Variants in ALPL observed in about 807,000 individuals in gnomAD.
ALPL encodes the protein alkaline phosphatase, tissue-nonspecific isozyme.
ALPL carries 42 observed loss-of-function variants against 51.3 expected under a neutral mutation model. The observed-to-expected ratio is 0.82, with a 90% confidence interval of 0.64 to 1.06. The LOEUF is 1.06. Ranked by LOEUF, ALPL falls within the 50% of genes least tolerant of loss-of-function variation. The probability of loss-of-function intolerance (pLI) is 0.00; values close to 1 mark genes in which losing one functional copy is unlikely to be tolerated. For missense variants in ALPL, 589 were observed against 709.4 expected (o/e 0.83, Z 1.93); for synonymous variants, 279 against 296.4 (o/e 0.94, Z 0.60).
chr1:21,546,999 AG>A (rs1039907399), intron 1 of ALPL, among the ~76,000 whole-genome samples: 1 of 152,222 alleles, frequency 6.6e-6, no homozygotes, highest in Non-Finnish European at 1.5e-5. Flanking sequence ...TTTGCCCCAC[AG>A]GGCACCTGGC....
At chr1:21,519,346 G>T (rs1376055207) in intron 1 of ALPL, among the ~76,000 whole-genome samples, 1 of 152,214 alleles carries the variant, frequency 6.6e-6, no homozygotes, top group Non-Finnish European at 1.5e-5. Context: ...TGCGGGGCCC[G>T]CGGCCTCTGC....
chr1:21,563,461 G>A (rs1192564403), intron 5 of ALPL, among the ~76,000 whole-genome samples, 177 bp downstream of exon 5: 1 of 152,200 alleles, frequency 6.6e-6, no homozygotes, highest in African/African-American at 2.4e-5. Context: ...GAAGCTGAGG[G>A]TTTGGGGTTC....
chr1:21,543,958 C>T (rs9660898), intron 1 of ALPL, among the ~76,000 whole-genome samples: 14,089 of 152,146 alleles, frequency 0.093, 937 homozygotes, highest in African/African-American at 0.19. Flanking sequence ...TGGGGAAGGC[C>T]CCCGGCTGAG....
intron 1 of ALPL, among the ~76,000 whole-genome samples, chr1:21,545,319 C>G (rs1386472545): frequency 6.6e-6 from 1 of 151,838 alleles, no homozygotes; most frequent in Non-Finnish European, 1.5e-5. Flanking sequence ...AAGACAGAGT[C>G]TCACTCTGTC....
intron 1 of ALPL, among the ~76,000 whole-genome samples, chr1:21,548,228 C>T (rs1644277595): frequency 6.6e-6 from 1 of 152,220 alleles, no homozygotes. Context: ...CCCTCCGCTT[C>T]CAGGGCTGCC....
rs147850439 is a variant in ALPL at position 21,576,777 on chromosome 1, G to A, written c.1309+136G>A. 1.1e-5 allele frequency: 13 copies of A among 1,213,320 alleles called. No individual in the cohort carries two copies. The African/African-American group carries it at 1.7e-4, about 16-fold the overall frequency. The allele number at this position is 1,213,320 out of a possible 1,614,324, so 75.2% of individuals were successfully genotyped here. A position where few individuals can be genotyped will look rare whatever the true frequency, so the allele number is the denominator to read the frequency against. ...GCTTGAGTCCCAGTTTGATTGTTGA[G>A]TCCCAGGTTGTTTGATTCAAACAAC... On this transcript the variant is annotated intron_variant, in intron 11 of 11. Transcript: ENST00000374840.
At chr1:21,567,309 C>T (rs1162810166) in intron 6 of ALPL, among the ~76,000 whole-genome samples, 1 of 152,230 alleles carries the variant, frequency 6.6e-6, no homozygotes, top group Non-Finnish European at 1.5e-5. Flanking sequence ...ATGCTCTTGG[C>T]CCTACTTTAA....
chr1:21,537,487 A>G lies in ALPL; in HGVS notation c.-104-16491A>G, dbSNP rs945740726. Among the ~76,000 whole-genome samples, 14 of 152,300 alleles carry G rather than the reference A, an allele frequency of 9.2e-5. No individual in the cohort carries two copies. In the East Asian group the frequency reaches 1.2e-3, roughly 13 times the overall value. ...ACGGGAAAGTACACAGGGAGCTGAG[A>G]GAGCAGCATGACATGAGGACCAGCC... On this transcript the variant is annotated intron_variant, in intron 1 of 11. Transcript: ENST00000374840.
chr1:21,520,703 C>T (rs570813644), intron 1 of ALPL, among the ~76,000 whole-genome samples: 11 of 152,076 alleles, frequency 7.2e-5, no homozygotes, highest in Non-Finnish European at 1.3e-4. Context: ...CCTTGTGATC[C>T]GCCCACCTTA....
At chr1:21,517,779 G>A (rs1052063256) in intron 1 of ALPL, among the ~76,000 whole-genome samples, 1 of 152,010 alleles carries the variant, frequency 6.6e-6, no homozygotes, top group Non-Finnish European at 1.5e-5. Flanking sequence ...AGGATTTTTC[G>A]ATTTGTGGAT....
chr1:21,523,975 A>G (rs1163390341), intron 1 of ALPL, among the ~76,000 whole-genome samples: 1 of 149,724 alleles, frequency 6.7e-6, no homozygotes, highest in Admixed American at 6.7e-5. Flanking sequence ...TAACCTCCCC[A>G]AAGGGTAGAT....
chr1:21,523,413 C>T (rs1291973398), intron 1 of ALPL, among the ~76,000 whole-genome samples: 2 of 152,200 alleles, frequency 1.3e-5, no homozygotes, highest in Non-Finnish European at 2.9e-5. Context: ...ATCTTGCTGT[C>T]CTGCCTCCTT....
At chr1:21,553,615 A>C (rs1409444553) in intron 1 of ALPL, among the ~76,000 whole-genome samples, 2 of 152,250 alleles carry the variant, frequency 1.3e-5, no homozygotes, top group East Asian at 3.8e-4. Flanking sequence ...AATCTGTTGT[A>C]ACAAGCCCTT....
chr1:21,556,923 A>G (rs1338530071), intron 2 of ALPL, among the ~76,000 whole-genome samples: 2 of 152,162 alleles, frequency 1.3e-5, no homozygotes, highest in African/African-American at 2.4e-5. Context: ...TGGGCAACAG[A>G]GCAAGACTCC....
intron 2 of ALPL, among the ~76,000 whole-genome samples, chr1:21,556,508 G>A (rs1305139587): frequency 1.3e-5 from 2 of 152,132 alleles, no homozygotes; most frequent in Admixed American, 6.6e-5. Flanking sequence ...TGGGCATAGT[G>A]CTGCATGCTT....
At chr1:21,556,986 C>T (rs1040816080) in intron 2 of ALPL, among the ~76,000 whole-genome samples, 2 of 152,180 alleles carry the variant, frequency 1.3e-5, no homozygotes, top group Non-Finnish European at 2.9e-5. Flanking sequence ...CCTGGCTTGC[C>T]GTCGCAGGCG....
At chr1:21,521,208 C>T (rs183938295) in intron 1 of ALPL, among the ~76,000 whole-genome samples, 7 of 151,444 alleles carry the variant, frequency 4.6e-5, no homozygotes, top group Admixed American at 1.3e-4. Context: ...TTTTTTGAGA[C>T]GGAGTCTGCT....
At chr1:21,548,587 G>A (rs1158358611) in intron 1 of ALPL, among the ~76,000 whole-genome samples, 1 of 152,162 alleles carries the variant, frequency 6.6e-6, no homozygotes, top group Admixed American at 6.5e-5. Context: ...GGGGCTGGAT[G>A]AGCCTTTCAG....
intron 1 of ALPL, among the ~76,000 whole-genome samples, chr1:21,526,826 A>T (rs1643949556): frequency 6.6e-6 from 1 of 152,002 alleles, no homozygotes. Context: ...TATCACTTTA[A>T]AAAATTATCT....
Sources: allele counts gnomAD v4.1 joint callset (sites outside exome capture counted in the v4.1 genomes callset), GRCh38; gene constraint gnomAD v4.1.1; transcripts MANE v1.5; gene names NCBI Gene and HGNC (gene_info 2026-07-23, HGNC 2026-07-21).